SMOC2: variants seen among roughly 807,000 people sequenced by gnomAD.
The protein encoded by SMOC2 is SPARC related modular calcium binding 2, also known as SPARC-related modular calcium-binding protein 2.
In SMOC2, 39 loss-of-function variants were observed where a neutral mutation model predicts 61.4. The observed-to-expected ratio is 0.64, with a 90% CI of 0.49 to 0.83. The LOEUF is 0.83. Ranked by LOEUF, SMOC2 falls within the 40% of genes least tolerant of loss-of-function variation. The pLI, the probability that SMOC2 is intolerant of heterozygous loss-of-function variation, is 0.00. For missense variants in SMOC2, 556 were observed against 592.9 expected, an observed-to-expected ratio of 0.94 and a Z score of 0.65; for synonymous variants, 247 against 239.9, an observed-to-expected ratio of 1.03 and a Z score of -0.27.
intron 4 of SMOC2, among the ~76,000 whole-genome samples, chr6:168,533,708 TTTTCTTTAG>T (rs1179711818): frequency 6.6e-6 from 1 of 152,226 alleles, no homozygotes; most frequent in East Asian, 1.9e-4. Context: ...CAAAACGGCT[TTTTCTTTAG>T]CCTTCGTAGG....
At chr6:168,546,157 T>C (rs1783992068) in intron 5 of SMOC2, among the ~76,000 whole-genome samples, 2 of 151,218 alleles carry the variant, frequency 1.3e-5, no homozygotes, top group Admixed American at 6.6e-5. Context: ...CTTAGTTATC[T>C]ACGTAAGCCT....
chr6:168,613,876 C>T (rs1368589680), intron 9 of SMOC2, among the ~76,000 whole-genome samples: 2 of 104,324 alleles, frequency 1.9e-5, no homozygotes, highest in African/African-American at 7.8e-5. Context: ...CACCTACAGC[C>T]AGCACAGGAC....
At chr6:168,631,622 A>G (rs760862967) in intron 9 of SMOC2, among the ~76,000 whole-genome samples, 2 of 152,194 alleles carry the variant, frequency 1.3e-5, no homozygotes, top group Non-Finnish European at 2.9e-5. Context: ...TCTTGAAGGA[A>G]TGCAGACATT....
chr6:168,581,400 AGAG>A (rs1784913972), intron 7 of SMOC2, among the ~76,000 whole-genome samples: 2 of 152,210 alleles, frequency 1.3e-5, no homozygotes, highest in South Asian at 4.1e-4. Flanking sequence ...TTGTTAGACA[AGAG>A]GACGAAGGAG....
intron 7 of SMOC2, among the ~76,000 whole-genome samples, chr6:168,559,837 A>G (rs188298727): frequency 5.3e-4 from 80 of 152,326 alleles, no homozygotes; most frequent in Admixed American, 2.6e-3. Context: ...GAAAGGACAA[A>G]GTTCATACAA....
intron 9 of SMOC2, among the ~76,000 whole-genome samples, chr6:168,625,156 C>T (rs1406904330): frequency 6.6e-6 from 1 of 152,224 alleles, no homozygotes; most frequent in African/African-American, 2.4e-5. Flanking sequence ...GCCTGGCGCT[C>T]CAGCAGTAGA....
At chr6:168,487,293 G>A (rs1340041891) in intron 1 of SMOC2, among the ~76,000 whole-genome samples, 1 of 152,138 alleles carries the variant, frequency 6.6e-6, no homozygotes, top group African/African-American at 2.4e-5. Flanking sequence ...GGACAGGAAC[G>A]ACTCATATTT....
chr6:168,605,472 C>G (rs1453272922), intron 8 of SMOC2, among the ~76,000 whole-genome samples: 1 of 152,164 alleles, frequency 6.6e-6, no homozygotes, highest in East Asian at 1.9e-4. Flanking sequence ...AATTAACGGA[C>G]TTATTTCTCC....
chr6:168,602,739 G>A (rs961290773), intron 8 of SMOC2, among the ~76,000 whole-genome samples: 1 of 152,218 alleles, frequency 6.6e-6, no homozygotes, highest in Admixed American at 6.5e-5. Flanking sequence ...ACAGGTGGTA[G>A]ACACAAAGAT....
In SMOC2 at chr6:168,470,142, C is replaced by T. The variant is rs765369937; in HGVS notation, c.84+28688C>T. ...TGCTCCAGAATCTACAGGGCGGAGC[C>T]GGAACATGCTTTGTTCTAAAGTGTG... is the stretch of plus-strand genomic sequence containing the variant. On this transcript the variant is annotated intron_variant, in intron 1 of 12. Transcript: ENST00000356284. 2.8e-4 allele frequency among the ~76,000 whole-genome samples: 42 copies of T among 152,118 alleles called. 1 individual carries two copies. Among genetic ancestry groups the T allele is most frequent in the African/African-American group, 7.0e-4 (29 of 41,422 alleles).
chr6:168,443,331 T>G (rs1781260354), intron 1 of SMOC2, among the ~76,000 whole-genome samples: 1 of 152,172 alleles, frequency 6.6e-6, no homozygotes, highest in Non-Finnish European at 1.5e-5. Context: ...TCTAACTATT[T>G]ACTTGAACCC....
chr6:168,549,062 C>A, intron 6 of SMOC2, 67 bp from the exon 7 acceptor site: 2 of 1,320,996 alleles, frequency 1.5e-6, no homozygotes, highest in Non-Finnish European at 2.2e-6. Context: ...TGCTGCACTG[C>A]GTAACTAAGG....
chr6:168,554,981 A>G (rs1013686784), intron 7 of SMOC2, among the ~76,000 whole-genome samples: 5 of 152,208 alleles, frequency 3.3e-5, no homozygotes, highest in Admixed American at 6.5e-5. Flanking sequence ...TTTTACTGTG[A>G]TATCAGTGAA....
chr6:168,608,199 A>G lies in SMOC2; in HGVS notation c.867A>G (p.Pro289=). 1 of 1,613,688 alleles carries G rather than the reference A, an allele frequency of 6.2e-7. No homozygotes were observed. Among genetic ancestry groups the G allele is most frequent in the South Asian group, 1.1e-5 (1 of 90,966 alleles). ...GTGACAACACGGCCAGGGCCCACCCAGCCAAAGCCCGGGACCTGTACAAGG... is the reference window on the plus strand; with the variant it reads ...GTGACAACACGGCCAGGGCCCACCCGGCCAAAGCCCGGGACCTGTACAAGG... ...PKCDNTARAH[P]AKARDLYKGR... The change falls in exon 9 of 13, where the codon CCA becomes CCG. Residue 289 remains proline, a synonymous_variant. Transcript: ENST00000356284.
rs746924395 is a variant in SMOC2 at position 168,549,145 on chromosome 6, C to T, written c.579C>T (p.Tyr193=). Residue 193 remains tyrosine (Y), a synonymous_variant, in exon 7 of 13, where the codon TAC becomes TAT. Coordinates refer to ENST00000356284, the MANE Select transcript of SMOC2 (RefSeq NM_001166412.2). ...GGTTCATAGATATTGCATCACGTTA[C>T]CCTACCCTTTGGACTGAACAGGTTA... ...QGDEEDIASR[Y]PTLWTEQVKS... 1 of 1,614,104 alleles carries T rather than the reference C, an allele frequency of 6.2e-7. No homozygotes were observed.
At chr6:168,457,279 G>A (rs1781607169) in intron 1 of SMOC2, among the ~76,000 whole-genome samples, 2 of 152,130 alleles carry the variant, frequency 1.3e-5, no homozygotes, top group South Asian at 4.1e-4. Flanking sequence ...GTCTACAACG[G>A]GGGAGTCAGA....
intron 1 of SMOC2, among the ~76,000 whole-genome samples, chr6:168,454,824 C>T (rs574673383): frequency 9.2e-5 from 14 of 152,222 alleles, no homozygotes; most frequent in South Asian, 2.1e-4. Context: ...GTGCTGAAGA[C>T]GCTGCTGGGG....
chr6:168,508,093 CG>C (rs1782916940), intron 1 of SMOC2, among the ~76,000 whole-genome samples: 1 of 152,180 alleles, frequency 6.6e-6, no homozygotes, highest in Admixed American at 6.5e-5. Flanking sequence ...GGGCTCCCCA[CG>C]GGCCGTCCGG....
At chr6:168,523,692 C>T (rs1194914838) in intron 2 of SMOC2, among the ~76,000 whole-genome samples, 1 of 152,118 alleles carries the variant, frequency 6.6e-6, no homozygotes, top group Non-Finnish European at 1.5e-5. Context: ...AACCTCCGCA[C>T]CTGGCCGTCA....
Sources: allele counts gnomAD v4.1 joint callset (sites outside exome capture counted in the v4.1 genomes callset), GRCh38; gene constraint gnomAD v4.1.1; transcripts MANE v1.5; gene names NCBI Gene and HGNC (gene_info 2026-07-23, HGNC 2026-07-21).